CCN6: variants seen among roughly 807,000 people sequenced by gnomAD.
CCN6 encodes the protein cellular communication network factor 6.
Under a neutral mutation model 37.4 loss-of-function variants are expected in CCN6, and 31 were observed. The ratio of observed to expected loss-of-function variants is 0.83; its 90% CI spans 0.62 to 1.12. The LOEUF (loss-of-function observed/expected upper bound fraction) is 1.12. CCN6 is among the 50% of genes most tolerant of loss of function. The probability of loss-of-function intolerance (pLI) is 0.00; values close to 1 mark genes in which losing one functional copy is unlikely to be tolerated. For synonymous variants in CCN6, 137 were observed against 142.1 expected, an observed-to-expected ratio of 0.96 and a Z score of 0.26; for missense variants, 369 against 413.8, an observed-to-expected ratio of 0.89 and a Z score of 0.94.
chr6:112,061,308 C>T lies in CCN6; in HGVS notation c.346+20C>T, dbSNP rs118185090. 0.032 allele frequency: 51,490 copies of T among 1,613,946 alleles called. 950 individuals are homozygous for T. Among genetic ancestry groups the T allele is most frequent in the Non-Finnish European group, 0.035 (41,317 of 1,179,930 alleles). ...GTGCATGTAAGTGTCTTCTTCTGGA[C>T]CTGCTGGAAAAGATTGAGTCTAGAC... is the stretch of plus-strand genomic sequence containing the variant. On this transcript the variant is annotated intron_variant, in intron 2 of 4. Coordinates refer to ENST00000368666, the MANE Select transcript of CCN6 (RefSeq NM_198239.2).
chr6:112,058,352 C>G (rs979699060), intron 1 of CCN6, among the ~76,000 whole-genome samples: 2 of 152,148 alleles, frequency 1.3e-5, no homozygotes, highest in Non-Finnish European at 2.9e-5. Context: ...AATTTTTGAG[C>G]TGCAAATGGA....
chr6:112,062,093 G>A (rs150744776), intron 2 of CCN6, among the ~76,000 whole-genome samples: 406 of 152,220 alleles, frequency 2.7e-3, no homozygotes, highest in Admixed American at 7.2e-3. Flanking sequence ...TGCCAGCACT[G>A]TATTGTATGG....
chr6:112,054,062 C>G, upstream of CCN6: 1 of 584,098 alleles, frequency 1.7e-6, no homozygotes, highest in Non-Finnish European at 3.1e-6. Flanking sequence ...ACAGTCACTA[C>G]TTGCCCTGCC....
chr6:112,066,720 T>C (rs1776706307), intron 3 of CCN6, among the ~76,000 whole-genome samples: 1 of 152,198 alleles, frequency 6.6e-6, no homozygotes, highest in South Asian at 2.1e-4. Flanking sequence ...GTGACAGTAA[T>C]TTATAGTCTA....
intron 1 of CCN6, among the ~76,000 whole-genome samples, chr6:112,059,791 G>A (rs1776456057): frequency 6.6e-6 from 1 of 152,184 alleles, no homozygotes. Context: ...TATAAAGATG[G>A]CAGTCATCAA....
At chr6:112,061,524 C>A in intron 2 of CCN6, 1 of 568,426 alleles carries the variant, frequency 1.8e-6, no homozygotes. Context: ...TGCAGTTCTT[C>A]TCAGGTAATT....
chr6:112,055,100 GC>G (rs1181382173), intron 1 of CCN6, among the ~76,000 whole-genome samples: 1 of 152,244 alleles, frequency 6.6e-6, no homozygotes, highest in African/African-American at 2.4e-5. Flanking sequence ...AGGAGACAGA[GC>G]TTTTGAAATC....
chr6:112,067,586 G>C (rs1398241768), intron 3 of CCN6, among the ~76,000 whole-genome samples: 1 of 152,088 alleles, frequency 6.6e-6, no homozygotes, highest in African/African-American at 2.4e-5. Context: ...TAAGAACATA[G>C]GGAGTGTGAC....
At position 112,068,193 on chromosome 6, in the gene CCN6, C is replaced by T. The variant is rs1554314460; in HGVS notation, c.590-12C>T. On this transcript the variant is annotated splice_polypyrimidine_tract_variant and intron_variant, in intron 3 of 4. Coordinates refer to ENST00000368666, the MANE Select transcript of CCN6 (RefSeq NM_198239.2). ...ATATGTATACATATGTACTTTTCTC[C>T]CTTTGTTTTAGCTTATAGAAATCTC... The T allele has an allele frequency of 6.2e-7, 1 of 1,602,642 alleles. No individual in the cohort carries two copies. Among genetic ancestry groups the T allele is most frequent in the Admixed American group, 1.7e-5 (1 of 58,228 alleles).
At chr6:112,056,261 G>C (rs587698784) in intron 1 of CCN6, among the ~76,000 whole-genome samples, 2 of 152,302 alleles carry the variant, frequency 1.3e-5, no homozygotes, top group Admixed American at 1.3e-4. Context: ...TTGTGAGGCA[G>C]ATCAGCTAGC....
Position 112,069,335 on chromosome 6 carries a change from T to C in CCN6, c.784-4T>C. 6.2e-7 allele frequency: 1 copy of C among 1,612,670 alleles called. No homozygotes were observed. Among genetic ancestry groups the C allele is most frequent in the Non-Finnish European group, 8.5e-7 (1 of 1,179,718 alleles). ...GAATGACTTCATTTTATCTATCTTTTCAGATTCCCAAAGGAAAAACATGCC... is the reference window on the plus strand; with the variant it reads ...GAATGACTTCATTTTATCTATCTTTCCAGATTCCCAAAGGAAAAACATGCC... On this transcript the variant is annotated splice_region_variant and splice_polypyrimidine_tract_variant and intron_variant, in intron 4 of 4. Transcript: ENST00000368666.
At chr6:112,059,914 T>G in intron 1 of CCN6, 1 of 1,301,544 alleles carries the variant, frequency 7.7e-7, no homozygotes, top group Admixed American at 2.3e-5. Flanking sequence ...AACTCTACGG[T>G]GAAAGGACTG....
chr6:112,064,903 C>T lies in CCN6; in HGVS notation c.495C>T (p.Cys165=). 6.2e-7 allele frequency: 1 copy of T among 1,614,110 alleles called. No individual in the cohort carries two copies. The highest frequency in any genetic ancestry group is 8.5e-7 in the Non-Finnish European group (1 of 1,179,978). ...LFIPKLAGSH[C]SGAKGGKKSD... Reference sequence around the variant, plus strand: ...TACCAAAGCTGGCTGGCAGTCACTGCTCTGGAGCTAAAGGTGGAAAGAAGT... The same window carrying T: ...TACCAAAGCTGGCTGGCAGTCACTGTTCTGGAGCTAAAGGTGGAAAGAAGT... Residue 165 remains cysteine, a synonymous_variant, in exon 3 of 5, where the codon TGC becomes TGT. Coordinates refer to ENST00000368666, the MANE Select transcript of CCN6 (RefSeq NM_198239.2).
At chr6:112,064,683 G>T in intron 2 of CCN6, 72 bp from the exon 3 acceptor site, 1 of 1,607,876 alleles carries the variant, frequency 6.2e-7, no homozygotes, top group South Asian at 1.1e-5. Flanking sequence ...TTTCTTCTTA[G>T]GTTTATAATT....
chr6:112,064,904 T>C lies in CCN6; in HGVS notation c.496T>C (p.Ser166Pro), dbSNP rs1554313607. 1 of 1,614,096 alleles carries C rather than the reference T, an allele frequency of 6.2e-7. No individual in the cohort carries two copies. Among genetic ancestry groups the C allele is most frequent in the South Asian group, 1.1e-5 (1 of 91,078 alleles). The change falls in exon 3 of 5, where the codon TCT becomes CCT. Residue 166 changes from serine to proline, a missense_variant. By Grantham distance (74) the Ser-to-Pro change is moderately conservative. Transcript: ENST00000368666. ...ACCAAAGCTGGCTGGCAGTCACTGC[T>C]CTGGAGCTAAAGGTGGAAAGAAGTC... ...FIPKLAGSHC[S>P]GAKGGKKSDQ... is the part of the protein sequence containing the mutation.
intron 4 of CCN6, 139 bp from the exon 5 acceptor site, chr6:112,069,200 G>A (rs1554314659): frequency 2.2e-6 from 2 of 920,806 alleles, no homozygotes; most frequent in Non-Finnish European, 3.2e-6. Flanking sequence ...TAAGGGTAAA[G>A]AGAGTGCTGG....
chr6:112,060,233 T>C (rs1776473145), intron 1 of CCN6, among the ~76,000 whole-genome samples: 1 of 152,198 alleles, frequency 6.6e-6, no homozygotes, highest in Admixed American at 6.5e-5. Context: ...AACTGGCTTA[T>C]TTTTAAAGAA....
At chr6:112,061,331 G>C (rs1554312840) in intron 2 of CCN6, 43 bp downstream of exon 2, 3 of 1,613,756 alleles carry the variant, frequency 1.9e-6, no homozygotes, top group Admixed American at 3.3e-5. Context: ...ATTGAGTCTA[G>C]ACAGAATTTT....
In CCN6 at chr6:112,054,295, C is replaced by T. The variant is rs1336865214; in HGVS notation, c.-63C>T. On this transcript the variant is annotated 5_prime_UTR_variant, in exon 1 of 5. Transcript: ENST00000368666. ...AGAGGAGACAGGGGAGCTTTGTGTA[C>T]CCGGAGCAATGAACAAGCGGCGACT... 93 of 1,613,582 alleles carry T rather than the reference C, an allele frequency of 5.8e-5. No individual in the cohort carries two copies. Among genetic ancestry groups the T allele is most frequent in the Non-Finnish European group, 7.7e-5 (91 of 1,179,778 alleles).
Sources: gnomAD v4.1 joint callset for allele counts (sites outside exome capture counted in the v4.1 genomes callset) on GRCh38, gnomAD v4.1.1 for gene constraint, MANE v1.5 for transcripts, NCBI Gene and HGNC (gene_info 2026-07-23, HGNC 2026-07-21) for gene names.